SUCNR1: variants seen among roughly 807,000 people sequenced by gnomAD.
SUCNR1 encodes succinate receptor 1.
In SUCNR1, 5 loss-of-function variants were observed where a neutral mutation model predicts 2.4. The ratio of observed to expected loss-of-function variants is 2.07; its 90% CI spans 1.08 to 4.36. The LOEUF is 4.36. Ranked by LOEUF, SUCNR1 falls within the 30% of genes most tolerant of loss-of-function variation. The pLI is 0.00. For missense variants in SUCNR1, 373 were observed against 399.2 expected, an observed-to-expected ratio of 0.93 and a Z score of 0.56; for synonymous variants, 162 against 143.9, an observed-to-expected ratio of 1.13 and a Z score of -0.90.
intron 1 of SUCNR1, among the ~76,000 whole-genome samples, chr3:151,876,446 A>G (rs1717926547): frequency 6.6e-6 from 1 of 152,190 alleles, no homozygotes; most frequent in Non-Finnish European, 1.5e-5. Context: ...TTTTAATATT[A>G]TCAAATAGAT....
At chr3:151,879,135 C>T (rs1277633383) in intron 1 of SUCNR1, among the ~76,000 whole-genome samples, 1 of 152,154 alleles carries the variant, frequency 6.6e-6, no homozygotes, top group African/African-American at 2.4e-5. Flanking sequence ...CAATCCAGTA[C>T]TTTTTTCAGA....
chr3:151,883,777 T>C lies in SUCNR1; in HGVS notation c.*2229T>C, dbSNP rs1446900447. 1 of 152,072 alleles carries C rather than the reference T, an allele frequency of 6.6e-6. No individual in the cohort carries two copies. Among genetic ancestry groups the C allele is most frequent in the Non-Finnish European group, 1.5e-5 (1 of 67,978 alleles). The allele number at this position is 152,072 out of a possible 1,614,324, so 9.4% of individuals were successfully genotyped here. A position where few individuals can be genotyped will look rare whatever the true frequency, so the allele number is the denominator to read the frequency against. On this transcript the variant is annotated 3_prime_UTR_variant, in exon 3 of 3. Transcript: ENST00000362032. ...AATTGGCTCCCTGGTATCTTCAGAA[T>C]GATGTCTAGATTCTTCAGTCTGGAC...
At chr3:151,878,328 G>A (rs1717982500) in intron 1 of SUCNR1, among the ~76,000 whole-genome samples, 1 of 152,124 alleles carries the variant, frequency 6.6e-6, no homozygotes, top group Non-Finnish European at 1.5e-5. Flanking sequence ...AAGAGGACAT[G>A]AAGACTGACG....
chr3:151,877,454 A>T (rs552091697), intron 1 of SUCNR1, among the ~76,000 whole-genome samples: 1 of 152,288 alleles, frequency 6.6e-6, no homozygotes, highest in African/African-American at 2.4e-5. Flanking sequence ...GCAGAATATG[A>T]CATAGAGCAA....
At chr3:151,873,875 C>T (rs1314178209) in intron 1 of SUCNR1, among the ~76,000 whole-genome samples, 169 bp downstream of exon 1, 1 of 151,506 alleles carries the variant, frequency 6.6e-6, no homozygotes, top group Non-Finnish European at 1.5e-5. Flanking sequence ...ATTTTTATCT[C>T]TACGTTTATT....
intron 1 of SUCNR1, 126 bp downstream of exon 1, chr3:151,873,832 G>A (rs1055330751): frequency 2.0e-5 from 3 of 151,442 alleles, no homozygotes; most frequent in East Asian, 1.9e-4. Flanking sequence ...ATAAATAGAT[G>A]TAAAACAGCA....
At position 151,881,473 on chromosome 3, in the gene SUCNR1, G is replaced by C; in HGVS notation, c.930G>C (p.Leu310=). The C allele has an allele frequency of 6.2e-7, 1 of 1,613,920 alleles. No individual in the cohort carries two copies. Among genetic ancestry groups the C allele is most frequent in the Non-Finnish European group, 8.5e-7 (1 of 1,179,898 alleles). Reference sequence around the variant, plus strand: ...TCAGGGACATGCTGATGAATCAACTGAGACACAACTTCAAATCCCTTACAT... The same window carrying C: ...TCAGGGACATGCTGATGAATCAACTCAGACACAACTTCAAATCCCTTACAT... ...DHFRDMLMNQ[L]RHNFKSLTSF... The change falls in exon 3 of 3, where the codon CTG becomes CTC. Residue 310 remains leucine, a synonymous_variant. Transcript: ENST00000362032.
intron 1 of SUCNR1, among the ~76,000 whole-genome samples, chr3:151,874,146 A>ATATATATAT (rs1261567808): frequency 1.0e-4 from 6 of 60,218 alleles, no homozygotes; most frequent in African/African-American, 1.4e-4. Flanking sequence ...ATATATATAT[A>ATATATATAT]TTTTTTTTTT....
At position 151,881,320 on chromosome 3, in the gene SUCNR1, C is replaced by T; in HGVS notation, c.777C>T (p.Arg259=). 1 of 1,614,192 alleles carries T rather than the reference C, an allele frequency of 6.2e-7. No individual in the cohort carries two copies. The highest frequency in any genetic ancestry group is 1.1e-5 in the South Asian group (1 of 91,088). ...HVMRNVRIAS[R]LGSWKQYQCT... ...TGCGGAATGTGAGGATCGCTTCACG[C>T]CTGGGGAGTTGGAAGCAGTATCAGT... The change falls in exon 3 of 3, where the codon CGC becomes CGT. Residue 259 remains arginine (R), a synonymous_variant. Transcript: ENST00000362032.
Position 151,879,920 on chromosome 3 carries a change from A to G in SUCNR1, c.15+13A>G. 1 of 1,566,640 alleles carries G rather than the reference A, an allele frequency of 6.4e-7. No homozygotes were observed. Among genetic ancestry groups the G allele is most frequent in the South Asian group, 1.2e-5 (1 of 82,634 alleles). ...GCTGGGGATCATGGTATGTTTAGAG[A>G]CACAAAAGTGAATTCAAAATCTTCT... On this transcript the variant is annotated intron_variant, in intron 2 of 2. Transcript: ENST00000362032.
At chr3:151,875,206 AATTT>A (rs893216433) in intron 1 of SUCNR1, among the ~76,000 whole-genome samples, 73 of 152,108 alleles carry the variant, frequency 4.8e-4, no homozygotes, top group African/African-American at 1.7e-3. Flanking sequence ...AATCAGTTAC[AATTT>A]ATTTATCACT....
chr3:151,879,224 C>G, intron 1 of SUCNR1, among the ~76,000 whole-genome samples: 1 of 152,166 alleles, frequency 6.6e-6, no homozygotes, highest in East Asian at 1.9e-4. Context: ...GTTAGCAAGA[C>G]TCTTGAGGTT....
Position 151,882,755 on chromosome 3 carries a change from A to G in SUCNR1, c.*1207A>G, listed in dbSNP as rs774505061. On this transcript the variant is annotated 3_prime_UTR_variant, in exon 3 of 3. Coordinates refer to ENST00000362032, the MANE Select transcript of SUCNR1 (RefSeq NM_033050.6). The stretch of plus-strand genomic sequence containing the variant: ...TGTGCATATTAACCTGTATTATCCC[A>G]GGAGGGTTAATGAGGCCCCATTTCC... 1 of 152,160 alleles carries G rather than the reference A, an allele frequency of 6.6e-6. No homozygotes were observed. Among genetic ancestry groups the G allele is most frequent in the Non-Finnish European group, 1.5e-5 (1 of 67,978 alleles). The allele number at this position is 152,160 out of a possible 1,614,324, so 9.4% of individuals were successfully genotyped here.
rs1481462903 is a variant in SUCNR1, at chr3:151,882,251, G to T, written c.*703G>T. Reference sequence around the variant, plus strand: ...CAAAATACTAGAGAGATACACCAAGGATATTTGAATAAAAAAAAAATTTGT... The same window carrying T: ...CAAAATACTAGAGAGATACACCAAGTATATTTGAATAAAAAAAAAATTTGT... On this transcript the variant is annotated 3_prime_UTR_variant, in exon 3 of 3. Coordinates refer to ENST00000362032, the MANE Select transcript of SUCNR1 (RefSeq NM_033050.6). 1 of 151,802 alleles carries T rather than the reference G, an allele frequency of 6.6e-6. No homozygotes were observed. The highest frequency in any genetic ancestry group is 1.5e-5 in the Non-Finnish European group (1 of 67,922). 9.4% of individuals were successfully genotyped at this position (151,802 alleles called of 1,614,324 possible).
chr3:151,875,848 T>C lies in SUCNR1; in HGVS notation c.-42+2142T>C, dbSNP rs540139454. Among the ~76,000 whole-genome samples the C allele has an allele frequency of 2.8e-4, 43 of 152,312 alleles. 1 individual carries two copies. In the South Asian group the frequency reaches 5.2e-3, roughly 18 times the overall value. Reference sequence around the variant, plus strand: ...TCCTTCAATCCCCGACCTTCTGGGCTACTATAAAGCAGAATGCTCCTTGAC... The same window carrying C: ...TCCTTCAATCCCCGACCTTCTGGGCCACTATAAAGCAGAATGCTCCTTGAC... On this transcript the variant is annotated intron_variant, in intron 1 of 2. Transcript: ENST00000362032.
At position 151,881,466 on chromosome 3, in the gene SUCNR1, A is replaced by T. The variant is rs1392225253; in HGVS notation, c.923A>T (p.Asn308Ile). The T allele has an allele frequency of 1.9e-6, 3 of 1,613,926 alleles. No homozygotes were observed. In the African/African-American group the frequency reaches 4.0e-5, roughly 22 times the overall value. Residue 308 changes from asparagine to isoleucine, a missense_variant, in exon 3 of 3, where the codon AAT becomes ATT. Asn to Ile is a moderately radical substitution (Grantham distance 149). This residue lies in a region of SUCNR1 where 157 missense variants were observed against 178.7 expected (regional missense o/e 0.88). Coordinates refer to ENST00000362032, the MANE Select transcript of SUCNR1 (RefSeq NM_033050.6). ...GATCACTTCAGGGACATGCTGATGA[A>T]TCAACTGAGACACAACTTCAAATCC... is the stretch of plus-strand genomic sequence containing the variant. ...LGDHFRDMLM[N>I]QLRHNFKSLT...
In SUCNR1 at chr3:151,884,291, A is replaced by T. The variant is rs910439664; in HGVS notation, c.*2743A>T. On this transcript the variant is annotated 3_prime_UTR_variant, in exon 3 of 3. Transcript: ENST00000362032. ...TATGAAGAATAGAGTGTATATACAT[A>T]AACCCATGTGCCAGCTGCCATTGCA... 1 of 152,218 alleles carries T rather than the reference A, an allele frequency of 6.6e-6. No homozygotes were observed. The highest frequency in any genetic ancestry group is 1.5e-5 in the Non-Finnish European group (1 of 68,028). 9.4% of individuals were successfully genotyped at this position (152,218 alleles called of 1,614,324 possible). A position where few individuals can be genotyped will look rare whatever the true frequency, so the allele number is the denominator to read the frequency against.
At position 151,883,914 on chromosome 3, in the gene SUCNR1, C is replaced by A. The variant is rs1227246870; in HGVS notation, c.*2366C>A. 6.6e-6 allele frequency: 1 copy of A among 152,080 alleles called. No individual in the cohort carries two copies. The highest frequency in any genetic ancestry group is 1.5e-5 in the Non-Finnish European group (1 of 67,998). The allele number at this position is 152,080 out of a possible 1,614,324, so 9.4% of individuals were successfully genotyped here. A position where few individuals can be genotyped will look rare whatever the true frequency, so the allele number is the denominator to read the frequency against. ...TCAGAACTTTCTTCACTTTGTTCACCTGTTGCCCATCTTTGTTCTATCATA... is the reference window on the plus strand; with the variant it reads ...TCAGAACTTTCTTCACTTTGTTCACATGTTGCCCATCTTTGTTCTATCATA... On this transcript the variant is annotated 3_prime_UTR_variant, in exon 3 of 3. Transcript: ENST00000362032.
In SUCNR1 at chr3:151,876,491, G is replaced by A. The variant is rs559977397; in HGVS notation, c.-42+2785G>A. On this transcript the variant is annotated intron_variant, in intron 1 of 2. Transcript: ENST00000362032. Reference sequence around the variant, plus strand: ...GAGAGAAAAAATGATAGGAAATTTAGATAAAAGGAGAAAGGAAATAATAAA... The same window carrying A: ...GAGAGAAAAAATGATAGGAAATTTAAATAAAAGGAGAAAGGAAATAATAAA... Among the ~76,000 whole-genome samples, 42 of 152,086 alleles carry A rather than the reference G, an allele frequency of 2.8e-4. 1 individual carries two copies. In the South Asian group the frequency reaches 8.7e-3, roughly 32 times the overall value.
Sources: gnomAD v4.1 joint callset for allele counts (sites outside exome capture counted in the v4.1 genomes callset) on GRCh38, gnomAD v4.1.1 for gene constraint, gnomAD v4.1.1 regional missense constraint, MANE v1.5 for transcripts, NCBI Gene and HGNC (gene_info 2026-07-23, HGNC 2026-07-21) for gene names.